The following ERG variants were observed in gnomAD, a reference collection of about 807,000 sequenced individuals.
The protein encoded by ERG is ETS transcription factor ERG.
In ERG, 9 loss-of-function variants were observed where a neutral mutation model predicts 55.3. The observed-to-expected ratio is 0.16, with a 90% CI of 0.10 to 0.28. The LOEUF (loss-of-function observed/expected upper bound fraction) is 0.28. ERG is among the 10% of genes least tolerant of loss of function. ERG has a pLI of 1.00. For missense variants in ERG, 434 were observed against 631.6 expected (o/e 0.69, Z 3.35); for synonymous variants, 223 against 237.3 (o/e 0.94, Z 0.55).
At chr21:38,475,897 A>G (rs1179898832) in intron 1 of ERG, among the ~76,000 whole-genome samples, 1 of 152,144 alleles carries the variant, frequency 6.6e-6, no homozygotes, top group East Asian at 1.9e-4. Context: ...GAATGAGTCA[A>G]TTTCCACACA....
At chr21:38,659,511 A>G (rs2060539207) in intron 1 of ERG, among the ~76,000 whole-genome samples, 1 of 152,222 alleles carries the variant, frequency 6.6e-6, no homozygotes, top group Admixed American at 6.5e-5. Context: ...AACTACTTGG[A>G]GAGAATGGAA....
chr21:38,380,513 G>T lies in ERG; in HGVS notation c.*2890C>A. On this transcript the variant is annotated 3_prime_UTR_variant, in exon 10 of 10. Coordinates refer to ENST00000288319, the MANE Select transcript of ERG (RefSeq NM_182918.4). The stretch of plus-strand genomic sequence containing the variant: ...ACAAATCTCTTGCCAGCAGGAGTAA[G>T]ATTGTACAGGAGTCTGAGTATACAT... 1 of 1,065,750 alleles carries T rather than the reference G, an allele frequency of 9.4e-7. No homozygotes were observed. Among genetic ancestry groups the T allele is most frequent in the Non-Finnish European group, 1.1e-6 (1 of 879,524 alleles). 66.0% of individuals were successfully genotyped at this position (1,065,750 alleles called of 1,614,324 possible).
upstream of ERG, chr21:38,498,546 T>C: frequency 1.5e-6 from 2 of 1,354,312 alleles, no homozygotes; most frequent in Non-Finnish European, 1.9e-6. This position sits in a 1 kb window ranked among gnomAD's most constrained non-coding sequence, Gnocchi z 4.6. Context: ...GTCCTGGCTG[T>C]CCAGCCCAAA....
At chr21:38,595,431 G>A (rs940338969) in intron 1 of ERG, among the ~76,000 whole-genome samples, 36 of 152,162 alleles carry the variant, frequency 2.4e-4, no homozygotes, top group Non-Finnish European at 5.1e-4. Flanking sequence ...AGGATGGAAA[G>A]CCAGGAAATG....
intron 1 of ERG, among the ~76,000 whole-genome samples, chr21:38,643,265 A>C (rs1056751043): frequency 2.6e-5 from 4 of 152,214 alleles, no homozygotes; most frequent in African/African-American, 9.6e-5. Context: ...ATCCAAAATT[A>C]GGTTTTACTA....
chr21:38,436,241 C>T (rs1317357998), intron 2 of ERG, among the ~76,000 whole-genome samples: 2 of 151,774 alleles, frequency 1.3e-5, no homozygotes, highest in Non-Finnish European at 2.9e-5. Flanking sequence ...GAACTCCTGA[C>T]CCACCTATTA....
chr21:38,619,761 T>A (rs1034352801), intron 1 of ERG, among the ~76,000 whole-genome samples: 1 of 152,258 alleles, frequency 6.6e-6, no homozygotes, highest in Non-Finnish European at 1.5e-5. Flanking sequence ...TGTGGCTTAA[T>A]GTAGCATCAT....
chr21:38,622,549 AC>A (rs2060297722), intron 1 of ERG, among the ~76,000 whole-genome samples: 1 of 149,284 alleles, frequency 6.7e-6, no homozygotes, highest in African/African-American at 2.5e-5. Flanking sequence ...CATACCACGC[AC>A]ATACACACCA....
At chr21:38,555,440 ATT>A (rs2059852263) in intron 2 of ERG, among the ~76,000 whole-genome samples, 1 of 152,122 alleles carries the variant, frequency 6.6e-6, no homozygotes, top group Non-Finnish European at 1.5e-5. Context: ...TTTCAATATT[ATT>A]ATTTAATAGA....
At position 38,622,454 on chromosome 21, in the gene ERG, ACAC is replaced by A. The variant is rs533131494; in HGVS notation, c.-149-37512_-149-37510del. ...CACACACCCCCCACACATGACATAC[ACAC>A]CACACCATACACATACATGCCACAC... On this transcript the variant is annotated intron_variant, in intron 1 of 10. Transcript: ENST00000398910. Among the ~76,000 whole-genome samples, 375 of 150,232 alleles carry A rather than the reference ACAC, an allele frequency of 2.5e-3. 2 individuals carry two copies. Among genetic ancestry groups the A allele is most frequent in the African/African-American group, 8.3e-3 (338 of 40,756 alleles).
chr21:38,510,663 C>T (rs938246518), intron 2 of ERG, among the ~76,000 whole-genome samples: 4 of 152,172 alleles, frequency 2.6e-5, no homozygotes, highest in Admixed American at 2.6e-4. Flanking sequence ...GAAGTATCAG[C>T]GGCTACCTCG....
At chr21:38,369,732 C>T in the ERG span, among the ~76,000 whole-genome samples, 11 of 152,004 alleles carry the variant, frequency 7.2e-5, no homozygotes, top group African/African-American at 2.4e-4. Context: ...GGTTGTCTTC[C>T]ATGATTTTTA....
intron 1 of ERG, among the ~76,000 whole-genome samples, chr21:38,452,126 T>C (rs2058946853): frequency 6.7e-6 from 1 of 150,158 alleles, no homozygotes. Flanking sequence ...ATGAAGTCCA[T>C]CTAAAGAGAG....
chr21:38,538,563 G>C (rs1389767199), intron 2 of ERG, among the ~76,000 whole-genome samples: 1 of 152,032 alleles, frequency 6.6e-6, no homozygotes, highest in Non-Finnish European at 1.5e-5. Context: ...GGAAATTCCA[G>C]GTTTCTAGAA....
chr21:38,439,797 T>C (rs1319579725), intron 2 of ERG, among the ~76,000 whole-genome samples: 1 of 152,236 alleles, frequency 6.6e-6, no homozygotes, highest in African/African-American at 2.4e-5. Context: ...CCACTTGTAT[T>C]TCATTTCAGG....
chr21:38,503,964 A>G (rs191618028), intron 2 of ERG, among the ~76,000 whole-genome samples: 1 of 152,244 alleles, frequency 6.6e-6, no homozygotes, highest in Non-Finnish European at 1.5e-5. Flanking sequence ...TCATGATTAC[A>G]GCTTCACTCC....
chr21:38,464,960 A>G (rs2059075609), intron 1 of ERG, among the ~76,000 whole-genome samples: 1 of 152,028 alleles, frequency 6.6e-6, no homozygotes, highest in African/African-American at 2.4e-5. Flanking sequence ...TATCCAGTCT[A>G]TTGTTGATGA....
chr21:38,651,222 C>T (rs1360921463), intron 1 of ERG, among the ~76,000 whole-genome samples: 1 of 152,162 alleles, frequency 6.6e-6, no homozygotes, highest in African/African-American at 2.4e-5. Context: ...GATCTAGTAC[C>T]GAACATGTCA....
At chr21:38,479,988 C>A (rs2059222619) in intron 1 of ERG, among the ~76,000 whole-genome samples, 3 of 152,126 alleles carry the variant, frequency 2.0e-5, no homozygotes, top group African/African-American at 7.2e-5. Context: ...AGGATCAGTC[C>A]TCTTGTGCCT....
Sources: allele counts gnomAD v4.1 joint callset (sites outside exome capture counted in the v4.1 genomes callset), GRCh38; gene constraint gnomAD v4.1.1; non-coding constraint Gnocchi (gnomAD v3.1); transcripts MANE v1.5; gene names NCBI Gene and HGNC (gene_info 2026-07-23, HGNC 2026-07-21).